Variants in CATSPERT observed in about 807,000 individuals in gnomAD.
The protein encoded by CATSPERT is cation channel sperm-associated targeting subunit tau.
chr2:201,539,917 A>T, the CATSPERT span, among the ~76,000 whole-genome samples: 1 of 152,182 alleles, frequency 6.6e-6, no homozygotes, highest in Non-Finnish European at 1.5e-5. Flanking sequence ...AACAGCCCAG[A>T]TGAGAATGCA....
chr2:201,571,057 C>T, the CATSPERT span, among the ~76,000 whole-genome samples: 1 of 152,110 alleles, frequency 6.6e-6, no homozygotes, highest in Non-Finnish European at 1.5e-5. Flanking sequence ...CATTAAACCA[C>T]GAGCTACTCA....
At chr2:201,593,853 A>G in the CATSPERT span, among the ~76,000 whole-genome samples, 2 of 150,904 alleles carry the variant, frequency 1.3e-5, no homozygotes, top group African/African-American at 2.4e-5. Context: ...CCATCCTTTT[A>G]TTTTGAGCCT....
chr2:201,489,350 C>G, the CATSPERT span, among the ~76,000 whole-genome samples: 2 of 152,078 alleles, frequency 1.3e-5, no homozygotes, highest in Non-Finnish European at 2.9e-5. Flanking sequence ...TTCAGAAAAT[C>G]CTCTTTGAAG....
chr2:201,513,569 C>T, the CATSPERT span, among the ~76,000 whole-genome samples: 5 of 152,134 alleles, frequency 3.3e-5, no homozygotes, highest in African/African-American at 4.8e-5. Context: ...GCCAGCAGTC[C>T]CATTACCAGT....
At chr2:201,530,558 A>G in the CATSPERT span, among the ~76,000 whole-genome samples, 1 of 132,396 alleles carries the variant, frequency 7.6e-6, no homozygotes, top group African/African-American at 2.7e-5. Flanking sequence ...CAACAGTACC[A>G]TCAATCATTA....
the CATSPERT span, among the ~76,000 whole-genome samples, chr2:201,527,286 A>G: frequency 1.0e-3 from 155 of 152,346 alleles, 2 homozygotes; most frequent in Non-Finnish European, 1.3e-4. Flanking sequence ...AAAATATTCC[A>G]TGCTCATGGA....
chr2:201,583,981 C>G, the CATSPERT span, among the ~76,000 whole-genome samples: 1 of 152,152 alleles, frequency 6.6e-6, no homozygotes, highest in Non-Finnish European at 1.5e-5. Context: ...ACTATATCAA[C>G]TCAACCACAA....
chr2:201,612,781 T>G, the CATSPERT span, among the ~76,000 whole-genome samples: 1 of 151,792 alleles, frequency 6.6e-6, no homozygotes, highest in Non-Finnish European at 1.5e-5. Flanking sequence ...CACAGAGGGT[T>G]GGGGAATTCC....
At chr2:201,534,348 T>G in the CATSPERT span, 1 of 927,818 alleles carries the variant, frequency 1.1e-6, no homozygotes, top group Admixed American at 6.2e-5. Context: ...TCTTTTTTAA[T>G]CCACTAGGTT....
At chr2:201,544,833 A>C in the CATSPERT span, among the ~76,000 whole-genome samples, 5 of 150,186 alleles carry the variant, frequency 3.3e-5, no homozygotes, top group Non-Finnish European at 7.4e-5. Flanking sequence ...AAAAAAAAAA[A>C]AAAAAATACA....
At chr2:201,610,209 C>T in the CATSPERT span, among the ~76,000 whole-genome samples, 1 of 152,148 alleles carries the variant, frequency 6.6e-6, no homozygotes, top group African/African-American at 2.4e-5. Context: ...AATCCCAGCA[C>T]TTCGGGAGGC....
chr2:201,613,002 G>A, the CATSPERT span, among the ~76,000 whole-genome samples: 1 of 152,254 alleles, frequency 6.6e-6, no homozygotes, highest in Non-Finnish European at 1.5e-5. Flanking sequence ...AAGGCTGGGG[G>A]AGGGGCATCC....
the CATSPERT span, among the ~76,000 whole-genome samples, chr2:201,561,196 G>T: frequency 6.6e-6 from 1 of 152,182 alleles, no homozygotes; most frequent in African/African-American, 2.4e-5. Flanking sequence ...AATAGGAAGA[G>T]AATACAACCA....
At chr2:201,589,147 A>C in the CATSPERT span, among the ~76,000 whole-genome samples, 1 of 152,218 alleles carries the variant, frequency 6.6e-6, no homozygotes, top group Non-Finnish European at 1.5e-5. Flanking sequence ...CATGCATAGA[A>C]AGAATCAATA....
chr2:201,555,317 C>T, the CATSPERT span: 2 of 152,138 alleles, frequency 1.3e-5, no homozygotes, highest in African/African-American at 4.8e-5. Context: ...GAGTTCAAGA[C>T]CAGCCTGGCC....
At chr2:201,584,176 G>C in the CATSPERT span, among the ~76,000 whole-genome samples, 2 of 152,064 alleles carry the variant, frequency 1.3e-5, no homozygotes, top group Admixed American at 6.6e-5. Flanking sequence ...TTTAGTCCCA[G>C]CTACTCAAGA....
the CATSPERT span, among the ~76,000 whole-genome samples, chr2:201,519,222 ACT>A: frequency 6.6e-6 from 1 of 151,866 alleles, no homozygotes; most frequent in South Asian, 2.1e-4. Flanking sequence ...ACTGCCATAA[ACT>A]CTCCCAACCT....
At chr2:201,606,274 G>C in the CATSPERT span, among the ~76,000 whole-genome samples, 1 of 152,134 alleles carries the variant, frequency 6.6e-6, no homozygotes, top group South Asian at 2.1e-4. Flanking sequence ...GCTTTATAAA[G>C]ACATCTTGCC....
chr2:201,545,646 AAAAAAAAG>A, the CATSPERT span: 3 of 835,982 alleles, frequency 3.6e-6, no homozygotes, highest in African/African-American at 1.8e-5. Flanking sequence ...AAAAAAAAAA[AAAAAAAAG>A]AAAAAAAAAT....
Sources: gnomAD v4.1 joint callset for allele counts (sites outside exome capture counted in the v4.1 genomes callset) on GRCh38, gnomAD v4.1.1 for gene constraint, MANE v1.5 for transcripts, NCBI Gene and HGNC (gene_info 2026-07-23, HGNC 2026-07-21) for gene names.